Variants in IFT80 observed in about 807,000 individuals in gnomAD.
IFT80 encodes the protein intraflagellar transport protein 80 homolog.
In IFT80, 79 loss-of-function variants were observed where a neutral mutation model predicts 107.9. That is an observed-to-expected ratio of 0.73 (90% CI 0.61 to 0.88). The LOEUF (loss-of-function observed/expected upper bound fraction) is 0.88. Ranked by LOEUF, IFT80 falls within the 40% of genes least tolerant of loss-of-function variation. The pLI is 0.00. For synonymous variants in IFT80, 299 were observed against 300.9 expected (o/e 0.99, Z 0.07); for missense variants, 797 against 914.2 (o/e 0.87, Z 1.65).
intron 9 of IFT80, among the ~76,000 whole-genome samples, chr3:160,319,023 A>G (rs1198413617): frequency 6.6e-6 from 1 of 152,020 alleles, no homozygotes; most frequent in Admixed American, 6.6e-5. Context: ...TATTACCACT[A>G]GATCATACTT....
At chr3:160,295,475 C>T (rs1375006536) in intron 12 of IFT80, among the ~76,000 whole-genome samples, 1 of 151,928 alleles carries the variant, frequency 6.6e-6, no homozygotes, top group East Asian at 1.9e-4. Flanking sequence ...CATAGAGGTG[C>T]CTGCCTGCCT....
At chr3:160,322,360 T>A (rs1290910897) in intron 8 of IFT80, among the ~76,000 whole-genome samples, 1 of 151,918 alleles carries the variant, frequency 6.6e-6, no homozygotes, top group Admixed American at 6.6e-5. Flanking sequence ...ACAAAGGACA[T>A]GAACTCATCA....
rs536307541 is a variant in IFT80, at chr3:160,320,519, A to T, written c.778-580T>A. On this transcript the variant is annotated intron_variant, in intron 8 of 19. Coordinates refer to ENST00000326448, the MANE Select transcript of IFT80 (RefSeq NM_020800.3). ...AAGTTATCTAGAGATATCAATAAGC[A>T]TTAAATAGGACAAAAGAGATTCTTG... Among the ~76,000 whole-genome samples, 283 of 152,034 alleles carry T rather than the reference A, an allele frequency of 1.9e-3. 3 individuals carry two copies. The highest frequency in any genetic ancestry group is 3.4e-3 in the Middle Eastern group (1 of 294).
chr3:160,375,422 CG>C (rs1559967994), intron 5 of IFT80, among the ~76,000 whole-genome samples: 1 of 152,018 alleles, frequency 6.6e-6, no homozygotes, highest in Non-Finnish European at 1.5e-5. Context: ...ATGAAGTTAT[CG>C]GGGATTTTTA....
intron 1 of IFT80, among the ~76,000 whole-genome samples, chr3:160,394,495 G>C (rs533059402): frequency 6.6e-6 from 1 of 152,190 alleles, no homozygotes; most frequent in African/African-American, 2.4e-5. Flanking sequence ...ATGCATTTGC[G>C]AAAGTGTATG....
intron 8 of IFT80, among the ~76,000 whole-genome samples, chr3:160,347,726 C>T (rs1167691225): frequency 6.6e-6 from 1 of 152,156 alleles, no homozygotes; most frequent in Admixed American, 6.5e-5. Context: ...GGTGATTAAA[C>T]ATGATCCTTC....
intron 4 of IFT80, among the ~76,000 whole-genome samples, chr3:160,376,473 G>A (rs935737981): frequency 1.3e-5 from 2 of 152,170 alleles, no homozygotes; most frequent in Non-Finnish European, 1.5e-5. Context: ...ATACAAGTAA[G>A]AGAAGGGCCA....
At chr3:160,325,751 T>C (rs60703878) in intron 8 of IFT80, among the ~76,000 whole-genome samples, 5,325 of 152,222 alleles carry the variant, frequency 0.035, 325 homozygotes, top group African/African-American at 0.12. Context: ...AGCAGAAAGA[T>C]AATTTTATAT....
chr3:160,384,101 C>T (rs887886810), intron 2 of IFT80: 16 of 241,252 alleles, frequency 6.6e-5, no homozygotes, highest in Admixed American at 3.9e-4. Flanking sequence ...AAAAATTAGC[C>T]GGGCATGTTG....
At position 160,280,703 on chromosome 3, in the gene IFT80, TC is replaced by T; in HGVS notation, c.1627del (p.Asp543ThrfsTer22). The stretch of plus-strand genomic sequence containing the variant: ...TTCATATAATGTTTTAGGCAAAATG[TC>T]TCTGTCCACATAAACTGTATTGGGG... The part of the protein sequence containing the change: ...YYPNTVYVDR[D>X]ILPKTLYERD... On this transcript the variant is annotated frameshift_variant, in exon 15 of 20. Transcript: ENST00000326448. LOFTEE classifies it high-confidence loss of function. The T allele has an allele frequency of 6.2e-7, 1 of 1,613,082 alleles. No individual in the cohort carries two copies. Among genetic ancestry groups the T allele is most frequent in the Non-Finnish European group, 8.5e-7 (1 of 1,179,254 alleles).
rs771034391 is a variant in IFT80 at position 160,304,017 on chromosome 3, T to C, written c.1077-28A>G. 3.5e-6 allele frequency: 5 copies of C among 1,416,698 alleles called. No individual in the cohort carries two copies. The African/African-American group carries it at 5.6e-5, about 16-fold the overall frequency. 87.8% of individuals were successfully genotyped at this position (1,416,698 alleles called of 1,614,324 possible). A position where few individuals can be genotyped will look rare whatever the true frequency, so the allele number is the denominator to read the frequency against. Reference sequence around the variant, plus strand: ...AAAAGACAAGTAAAATGGATATTTATTAACATTTAAAATACCAAATACTTT... The same window carrying C: ...AAAAGACAAGTAAAATGGATATTTACTAACATTTAAAATACCAAATACTTT... On this transcript the variant is annotated intron_variant, in intron 10 of 19. Transcript: ENST00000326448.
At position 160,282,620 on chromosome 3, in the gene IFT80, T is replaced by C. The variant is rs1159532774; in HGVS notation, c.1381-7A>G. The C allele has an allele frequency of 6.5e-7, 1 of 1,534,984 alleles. No homozygotes were observed. Among genetic ancestry groups the C allele is most frequent in the Admixed American group, 1.7e-5 (1 of 59,286 alleles). ...CAATTTCCAAGATTTCATTCTAAAA[T>C]TTTTTTTAAATGTAAATACTGGGTT... On this transcript the variant is annotated splice_region_variant and splice_polypyrimidine_tract_variant and intron_variant, in intron 13 of 19. Coordinates refer to ENST00000326448, the MANE Select transcript of IFT80 (RefSeq NM_020800.3).
chr3:160,334,932 G>A (rs1444344808), intron 8 of IFT80, among the ~76,000 whole-genome samples: 1 of 151,894 alleles, frequency 6.6e-6, no homozygotes, highest in Non-Finnish European at 1.5e-5. Context: ...TAAAAATGTG[G>A]AAAATATTAT....
rs116652330 is a variant in IFT80 at position 160,335,021 on chromosome 3, T to C, written c.778-15082A>G. Among the ~76,000 whole-genome samples, 1,068 of 152,108 alleles carry C rather than the reference T, an allele frequency of 7.0e-3. 17 individuals are homozygous for C. Among genetic ancestry groups the C allele is most frequent in the African/African-American group, 0.025 (1,025 of 41,506 alleles). On this transcript the variant is annotated intron_variant, in intron 8 of 19. Transcript: ENST00000326448. The stretch of plus-strand genomic sequence containing the variant: ...TCTAGGTCTTTTTAGTGGAAAGAAA[T>C]AGGTAATTTTTTCAAGATAAAAAAC...
intron 2 of IFT80, chr3:160,383,579 T>C (rs1382450067): frequency 3.6e-6 from 3 of 835,042 alleles, no homozygotes; most frequent in Non-Finnish European, 4.3e-6. Context: ...AATTGGACAT[T>C]ATAACAATGT....
chr3:160,266,652 G>A (rs900808387), intron 19 of IFT80, among the ~76,000 whole-genome samples: 1 of 152,066 alleles, frequency 6.6e-6, no homozygotes, highest in South Asian at 2.1e-4. Context: ...CCAAAGTGTT[G>A]GGATTATAGG....
chr3:160,310,460 A>G (rs912202549), intron 9 of IFT80, among the ~76,000 whole-genome samples: 1 of 152,210 alleles, frequency 6.6e-6, no homozygotes, highest in Non-Finnish European at 1.5e-5. Flanking sequence ...ATAATTCAGC[A>G]TTTGTTACCA....
At chr3:160,358,270 C>A (rs1019493512) in intron 6 of IFT80, among the ~76,000 whole-genome samples, 5 of 152,026 alleles carry the variant, frequency 3.3e-5, no homozygotes, top group Non-Finnish European at 7.4e-5. Context: ...GCCTTGGCCT[C>A]CCAATGTGCG....
At chr3:160,393,183 C>A (rs185413344) in intron 1 of IFT80, among the ~76,000 whole-genome samples, 4 of 152,288 alleles carry the variant, frequency 2.6e-5, no homozygotes, top group Non-Finnish European at 5.9e-5. Context: ...TCCTTTCACA[C>A]CATCATAAAG....
Sources: gnomAD v4.1 joint callset for allele counts (sites outside exome capture counted in the v4.1 genomes callset) on GRCh38, gnomAD v4.1.1 for gene constraint, MANE v1.5 for transcripts, NCBI Gene and HGNC (gene_info 2026-07-23, HGNC 2026-07-21) for gene names.